The following GULP1 variants were observed in gnomAD, a reference collection of about 807,000 sequenced individuals.
The protein encoded by GULP1 is PTB domain-containing engulfment adapter protein 1.
GULP1 carries 19 observed loss-of-function variants against 40.9 expected under a neutral mutation model. The observed-to-expected ratio is 0.46, with a 90% CI of 0.32 to 0.68. The LOEUF (loss-of-function observed/expected upper bound fraction) is 0.68, where lower values mean the gene tolerates loss of function less well. GULP1 is among the 30% of genes least tolerant of loss of function. GULP1 has a pLI of 0.03. For synonymous variants in GULP1, 119 were observed against 117.6 expected, an observed-to-expected ratio of 1.01 and a Z score of -0.08; for missense variants, 312 against 362.2, an observed-to-expected ratio of 0.86 and a Z score of 1.12.
At chr2:188,461,570 G>A in intron 2 of GULP1, among the ~76,000 whole-genome samples, 1 of 151,844 alleles carries the variant, frequency 6.6e-6, no homozygotes, top group East Asian at 1.9e-4. Context: ...CTCCCAAAGT[G>A]CTGGGATTAT....
chr2:188,443,826 A>G (rs2058154356), intron 2 of GULP1, among the ~76,000 whole-genome samples: 1 of 151,906 alleles, frequency 6.6e-6, no homozygotes, highest in Non-Finnish European at 1.5e-5. Flanking sequence ...AGCTGGGATT[A>G]CAGGTGCCTG....
At chr2:188,497,132 T>G (rs1445303811) in intron 4 of GULP1, among the ~76,000 whole-genome samples, 3 of 151,998 alleles carry the variant, frequency 2.0e-5, no homozygotes, top group African/African-American at 7.2e-5. Context: ...GAAAAAGTAA[T>G]TAAGATGAAG....
intron 4 of GULP1, among the ~76,000 whole-genome samples, chr2:188,500,915 C>G (rs2063369711): frequency 6.6e-6 from 1 of 151,866 alleles, no homozygotes; most frequent in South Asian, 2.1e-4. Flanking sequence ...CTTATCAACT[C>G]TATTAGTACT....
chr2:188,538,694 A>AGTGTGT lies in GULP1; in HGVS notation c.262-2466_262-2461dup, dbSNP rs113650180. Among the ~76,000 whole-genome samples, 1,289 of 144,802 alleles carry AGTGTGT rather than the reference A, an allele frequency of 8.9e-3. 27 individuals are homozygous for AGTGTGT. The highest frequency in any genetic ancestry group is 0.031 in the African/African-American group (1,221 of 39,960). 95.0% of individuals were successfully genotyped at this position (144,802 alleles called of 152,430 possible). On this transcript the variant is annotated intron_variant, in intron 6 of 11. Coordinates refer to ENST00000409830, the MANE Select transcript of GULP1 (RefSeq NM_016315.4). ...GTATGTGTGTGTGAGTGTGTGTGTG[A>AGTGTGT]GTGTGTGTGTGTGTGTGTGTGTGTG...
intron 1 of GULP1, among the ~76,000 whole-genome samples, chr2:188,345,540 G>A (rs540004323): frequency 6.6e-6 from 1 of 152,332 alleles, no homozygotes; most frequent in Admixed American, 6.5e-5. Flanking sequence ...TATGATCATT[G>A]GATTGAGAGT....
chr2:188,404,312 G>A (rs1027215240), intron 2 of GULP1, among the ~76,000 whole-genome samples: 2 of 152,152 alleles, frequency 1.3e-5, no homozygotes, highest in Non-Finnish European at 2.9e-5. Flanking sequence ...CTTCAGAAGA[G>A]CTAAGGAAAC....
chr2:188,534,333 TTGCAGCAACATGGA>T (rs1259083125), intron 6 of GULP1, among the ~76,000 whole-genome samples: 2 of 151,996 alleles, frequency 1.3e-5, no homozygotes, highest in African/African-American at 2.4e-5. Context: ...TTGTGTCCTT[TTGCAGCAACATGGA>T]TGCATCTGGA....
At chr2:188,303,592 G>C (rs1007088864) in intron 1 of GULP1, among the ~76,000 whole-genome samples, 2 of 152,104 alleles carry the variant, frequency 1.3e-5, no homozygotes, top group African/African-American at 4.8e-5. Context: ...GACTGAGAAA[G>C]GCTAATGTAT....
At chr2:188,512,391 A>G (rs944495913) in intron 4 of GULP1, among the ~76,000 whole-genome samples, 2 of 152,118 alleles carry the variant, frequency 1.3e-5, no homozygotes, top group African/African-American at 4.8e-5. Context: ...AATTCTGTAG[A>G]GAACATATTA....
chr2:188,569,159 T>G (rs979501322), intron 7 of GULP1, 80 bp from the exon 8 acceptor site: 3 of 777,376 alleles, frequency 3.9e-6, no homozygotes, highest in East Asian at 2.5e-5. Context: ...GAGTAAGTGC[T>G]TATATGAATG....
At chr2:188,522,169 T>C (rs1443723478) in intron 4 of GULP1, among the ~76,000 whole-genome samples, 5 of 152,206 alleles carry the variant, frequency 3.3e-5, no homozygotes, top group Admixed American at 6.5e-5. Context: ...CTTAGTTGTA[T>C]ATCTTGGCTA....
chr2:188,485,771 TATAGAC>T (rs1165733348), intron 4 of GULP1, among the ~76,000 whole-genome samples: 2 of 152,058 alleles, frequency 1.3e-5, no homozygotes, highest in African/African-American at 4.8e-5. Context: ...CTTGAGTTGT[TATAGAC>T]ATAAGGAAGT....
chr2:188,425,592 TTA>T (rs1182516757), intron 2 of GULP1, among the ~76,000 whole-genome samples: 1 of 152,182 alleles, frequency 6.6e-6, no homozygotes, highest in Non-Finnish European at 1.5e-5. Flanking sequence ...ACATAACCGT[TTA>T]TCTTACATTT....
chr2:188,587,556 A>G (rs1702645375), intron 10 of GULP1, among the ~76,000 whole-genome samples: 2 of 152,130 alleles, frequency 1.3e-5, no homozygotes, highest in Admixed American at 1.3e-4. Context: ...AGGTGTTGTA[A>G]CATACAATTA....
At chr2:188,464,146 C>T (rs1385109582) in intron 2 of GULP1, among the ~76,000 whole-genome samples, 1 of 152,112 alleles carries the variant, frequency 6.6e-6, no homozygotes, top group African/African-American at 2.4e-5. Context: ...TGTTTGTATG[C>T]ATCCTTCTTG....
At chr2:188,502,787 T>C in intron 4 of GULP1, among the ~76,000 whole-genome samples, 1 of 151,970 alleles carries the variant, frequency 6.6e-6, no homozygotes, top group East Asian at 1.9e-4. Flanking sequence ...AACAAAAACC[T>C]GAGATTGGGT....
chr2:188,311,699 C>T (rs2038141132), intron 1 of GULP1, among the ~76,000 whole-genome samples: 1 of 123,866 alleles, frequency 8.1e-6, no homozygotes, highest in African/African-American at 3.1e-5. Context: ...TTATGATAAG[C>T]ATTATAAAAA....
At chr2:188,530,080 G>A (rs1553586967) in intron 6 of GULP1, among the ~76,000 whole-genome samples, 1 of 152,168 alleles carries the variant, frequency 6.6e-6, no homozygotes, top group Non-Finnish European at 1.5e-5. Context: ...GTAGTGATGA[G>A]CTGGCTGCCT....
intron 1 of GULP1, among the ~76,000 whole-genome samples, chr2:188,350,080 A>C (rs768026577): frequency 6.6e-6 from 1 of 152,156 alleles, no homozygotes; most frequent in East Asian, 1.9e-4. Context: ...GCCTAGATTT[A>C]TGCCAGGACC....
Sources: allele counts gnomAD v4.1 joint callset (sites outside exome capture counted in the v4.1 genomes callset), GRCh38; gene constraint gnomAD v4.1.1; transcripts MANE v1.5; gene names NCBI Gene and HGNC (gene_info 2026-07-23, HGNC 2026-07-21).